The following GCSAML variants were observed in gnomAD, a reference collection of about 807,000 sequenced individuals.
GCSAML encodes germinal center-associated signaling and motility-like protein.
GCSAML carries 9 observed loss-of-function variants against 13.0 expected under a neutral mutation model. The ratio of observed to expected loss-of-function variants is 0.69; its 90% confidence interval spans 0.42 to 1.21. The LOEUF (loss-of-function observed/expected upper bound fraction) is 1.21. Among genes scored for constraint, GCSAML ranks in the 50% most tolerant of loss-of-function variants. The pLI is 0.00. For synonymous variants in GCSAML, 37 were observed against 52.9 expected (o/e 0.70, Z 1.31); for missense variants, 143 against 153.4 (o/e 0.93, Z 0.36).
chr1:247,539,958 C>A (rs987819457), intron 2 of GCSAML, among the ~76,000 whole-genome samples: 4 of 152,194 alleles, frequency 2.6e-5, no homozygotes, highest in Admixed American at 2.6e-4. Flanking sequence ...CCCACCACTT[C>A]TCCCATTCCT....
At chr1:247,546,010 T>C (rs1209527780), upstream of GCSAML, among the ~76,000 whole-genome samples, 2 of 152,144 alleles carry the variant, frequency 1.3e-5, no homozygotes, top group South Asian at 4.1e-4. Context: ...ATGATAGATA[T>C]CTTTATTACC....
At chr1:247,562,560 A>G (rs899710852) in intron 2 of GCSAML, among the ~76,000 whole-genome samples, 5 of 152,294 alleles carry the variant, frequency 3.3e-5, no homozygotes, top group African/African-American at 1.2e-4. Context: ...ATGTCGTTTT[A>G]GAATGCTTCC....
At chr1:247,516,814 T>C (rs1391704510) in intron 1 of GCSAML, among the ~76,000 whole-genome samples, 1 of 152,210 alleles carries the variant, frequency 6.6e-6, no homozygotes, top group Non-Finnish European at 1.5e-5. Flanking sequence ...ATTATATTCG[T>C]ACAGCCAACA....
intron 1 of GCSAML, among the ~76,000 whole-genome samples, chr1:247,551,853 C>G (rs189674074): frequency 1.2e-3 from 184 of 152,208 alleles, no homozygotes; most frequent in African/African-American, 4.4e-3. Context: ...GTGGAAAATC[C>G]CAGCAAGTCT....
chr1:247,520,526 T>TCACACACACA (rs10597982), intron 1 of GCSAML, among the ~76,000 whole-genome samples: 22 of 150,302 alleles, frequency 1.5e-4, no homozygotes, highest in African/African-American at 5.1e-4. Flanking sequence ...CCCCACCTCT[T>TCACACACACA]CACACACACA....
chr1:247,559,775 G>T (rs1668063210), intron 2 of GCSAML, among the ~76,000 whole-genome samples: 1 of 152,176 alleles, frequency 6.6e-6, no homozygotes, highest in Non-Finnish European at 1.5e-5. Context: ...TTGGCTTGTA[G>T]ATGACTGTCT....
chr1:247,575,246 C>A lies in GCSAML; in HGVS notation c.*864C>A, dbSNP rs1430969556. 6 of 152,136 alleles carry A rather than the reference C, an allele frequency of 3.9e-5. No individual in the cohort carries two copies. The highest frequency in any genetic ancestry group is 3.9e-4 in the Admixed American group (6 of 15,258). The allele number at this position is 152,136 out of a possible 1,614,324, so 9.4% of individuals were successfully genotyped here. On this transcript the variant is annotated 3_prime_UTR_variant, in exon 5 of 5. Transcript: ENST00000366488. ...CACCTCAGGCACACTTTCTCAGGAC[C>A]TCCTGAGAGTGTATCCCAGGCCATG...
intron 4 of GCSAML, among the ~76,000 whole-genome samples, chr1:247,568,658 G>A (rs918700922): frequency 6.6e-6 from 1 of 152,038 alleles, no homozygotes; most frequent in African/African-American, 2.4e-5. Context: ...GGCTATATGG[G>A]CACTTTTTTG....
rs975258895 is a variant in GCSAML, at chr1:247,574,349, T to A, written c.375T>A (p.His125Gln). Residue 125 changes from histidine (H) to glutamine (Q), a missense_variant, in exon 5 of 5, where the codon CAT (histidine) becomes CAA (glutamine). By Grantham distance (24) the His-to-Gln change is conservative (BLOSUM62 0). Coordinates refer to ENST00000366488, the MANE Select transcript of GCSAML (RefSeq NM_145278.5). The stretch of plus-strand genomic sequence containing the variant: ...TTAGTAGGCCTTGTTCCTGCACCCA[T>A]GAGCATGATTATGAAGTTGTGTTTC... ...TSVSRPCSCTHEHDYEVVFPH is the reference protein window; with the variant it reads ...TSVSRPCSCTQEHDYEVVFPH The A allele has an allele frequency of 6.8e-6, 11 of 1,614,114 alleles. No individual in the cohort carries two copies. The highest frequency in any genetic ancestry group is 8.5e-6 in the Non-Finnish European group (10 of 1,179,994).
At chr1:247,559,240 G>A (rs893262063) in intron 2 of GCSAML, among the ~76,000 whole-genome samples, 1 of 152,118 alleles carries the variant, frequency 6.6e-6, no homozygotes, top group African/African-American at 2.4e-5. Flanking sequence ...AAACATTATT[G>A]TGTATTTCAG....
chr1:247,558,721 G>C (rs76356576), intron 2 of GCSAML, among the ~76,000 whole-genome samples: 4,811 of 152,164 alleles, frequency 0.032, 130 homozygotes, highest in East Asian at 0.088. Context: ...TTTAGGAATG[G>C]AAGCATATAT....
At chr1:247,539,255 T>C (rs1226151368) in intron 2 of GCSAML, among the ~76,000 whole-genome samples, 1 of 152,208 alleles carries the variant, frequency 6.6e-6, no homozygotes, top group African/African-American at 2.4e-5. Context: ...TGCTCAAATA[T>C]AGTCAAACTT....
intron 4 of GCSAML, among the ~76,000 whole-genome samples, chr1:247,566,311 C>T (rs1151693): frequency 0.57 from 86,435 of 151,958 alleles, 25,296 homozygotes; most frequent in East Asian, 0.79. Flanking sequence ...GGCACGATCT[C>T]GGCTCACTGC....
chr1:247,566,551 T>C (rs1668376467), intron 4 of GCSAML, among the ~76,000 whole-genome samples: 2 of 152,142 alleles, frequency 1.3e-5, no homozygotes, highest in Admixed American at 1.3e-4. Flanking sequence ...CCTATTATTT[T>C]AATTTTCAAA....
At chr1:247,548,356 G>T (rs764468330), upstream of GCSAML, among the ~76,000 whole-genome samples, 3 of 152,204 alleles carry the variant, frequency 2.0e-5, no homozygotes, top group Non-Finnish European at 4.4e-5. The surrounding 1 kb of genome is among the most constrained non-coding windows in gnomAD (Gnocchi z 5.3). Context: ...GGGAGGAAGT[G>T]GGGGACCAGA....
At chr1:247,550,631 T>C (rs543943872) in intron 1 of GCSAML, among the ~76,000 whole-genome samples, 12 of 150,026 alleles carry the variant, frequency 8.0e-5, no homozygotes, top group East Asian at 1.9e-4. Flanking sequence ...AGCAAGACTC[T>C]GTCTCAAATA....
intron 1 of GCSAML, among the ~76,000 whole-genome samples, chr1:247,512,857 G>A (rs534791258): frequency 4.3e-4 from 66 of 152,280 alleles, no homozygotes; most frequent in Non-Finnish European, 8.5e-4. Context: ...GAACAGCAAA[G>A]ATTGCTGCCT....
At chr1:247,518,585 C>T (rs1348488593) in intron 1 of GCSAML, 1 of 152,378 alleles carries the variant, frequency 6.6e-6, no homozygotes, top group Admixed American at 6.5e-5. Context: ...AGCCCGCAGC[C>T]GCTGGACGCG....
intron 1 of GCSAML, among the ~76,000 whole-genome samples, chr1:247,519,806 A>C (rs1403016507): frequency 6.6e-6 from 1 of 152,214 alleles, no homozygotes; most frequent in Non-Finnish European, 1.5e-5. Flanking sequence ...ACTAGAGGAA[A>C]ATCTAGGAAT....
Sources: allele counts gnomAD v4.1 joint callset (sites outside exome capture counted in the v4.1 genomes callset), GRCh38; gene constraint gnomAD v4.1.1; non-coding constraint Gnocchi (gnomAD v3.1); transcripts MANE v1.5; gene names NCBI Gene and HGNC (gene_info 2026-07-23, HGNC 2026-07-21).